DNAH14: variants seen among roughly 807,000 people sequenced by gnomAD.
DNAH14 encodes the protein dynein axonemal heavy chain 14, also known as axonemal beta dynein heavy chain 14.
DNAH14 carries 478 observed loss-of-function variants against 520.9 expected under a neutral mutation model. The observed-to-expected ratio is 0.92, with a 90% CI of 0.85 to 0.99. The LOEUF is 0.99. Ranked by LOEUF, DNAH14 falls within the 50% of genes least tolerant of loss-of-function variation. DNAH14 has a pLI of 0.00. For missense variants in DNAH14, 4,831 were observed against 5,234.5 expected, an observed-to-expected ratio of 0.92 and a Z score of 2.38; for synonymous variants, 1,581 against 1,757.2, an observed-to-expected ratio of 0.90 and a Z score of 2.51.
intron 42 of DNAH14, among the ~76,000 whole-genome samples, chr1:225,238,327 G>A (rs939163220): frequency 1.3e-5 from 2 of 152,202 alleles, no homozygotes; most frequent in Admixed American, 6.5e-5. Flanking sequence ...TATTCTTGTC[G>A]TTTTCTGTCT....
chr1:225,174,840 A>G (rs2083139408), intron 36 of DNAH14, among the ~76,000 whole-genome samples: 2 of 152,136 alleles, frequency 1.3e-5, no homozygotes, highest in Non-Finnish European at 2.9e-5. Context: ...GTGTTGATGT[A>G]TGTCCCTTCT....
intron 36 of DNAH14, among the ~76,000 whole-genome samples, chr1:225,174,905 A>G (rs2083146142): frequency 6.6e-6 from 1 of 152,104 alleles, no homozygotes; most frequent in African/African-American, 2.4e-5. Context: ...ATTTTTGTAA[A>G]TGCTTTTTCA....
At chr1:225,079,142 G>C (rs890028085) in intron 17 of DNAH14, 65 bp from the exon 18 acceptor site, 3 of 1,355,220 alleles carry the variant, frequency 2.2e-6, no homozygotes, top group Non-Finnish European at 3.0e-6. Context: ...AAATTAAAAA[G>C]AGTAATTAGT....
chr1:225,340,562 A>G lies in DNAH14; in HGVS notation c.10539A>G (p.Gln3513=), dbSNP rs1256585341. 2 of 1,551,366 alleles carry G rather than the reference A, an allele frequency of 1.3e-6. No homozygotes were observed. Among genetic ancestry groups the G allele is most frequent in the Non-Finnish European group, 1.7e-6 (2 of 1,146,862 alleles). The change falls in exon 69 of 86, where the codon CAA becomes CAG. Residue 3513 remains glutamine, a synonymous_variant. Transcript: ENST00000682510. The part of the protein sequence containing the change: ...FTVTFQGLQD[Q]LLSTVVTHEV... ...TAACATTCCAAGGTTTGCAAGATCA[A>G]CTCTTGTCTACTGTGGTAACTCATG...
At chr1:224,996,016 T>C (rs1482568379) in intron 8 of DNAH14, among the ~76,000 whole-genome samples, 1 of 152,142 alleles carries the variant, frequency 6.6e-6, no homozygotes, top group Non-Finnish European at 1.5e-5. Flanking sequence ...ATTATTTGTC[T>C]GCTATTTAAT....
intron 68 of DNAH14, 149 bp downstream of exon 68, chr1:225,338,331 G>A (rs1283053943): frequency 9.8e-7 from 1 of 1,017,918 alleles, no homozygotes; most frequent in African/African-American, 1.6e-5. Flanking sequence ...TGTGTTGGCA[G>A]TAGTATTCAT....
At position 224,967,504 on chromosome 1, in the gene DNAH14, A is replaced by G. The variant is rs751410566; in HGVS notation, c.572A>G (p.Tyr191Cys). Residue 191 changes from tyrosine (Y) to cysteine (C), a missense_variant, in exon 6 of 86, where the codon TAT becomes TGT. By Grantham distance (194) the Tyr-to-Cys change is radical. Coordinates refer to ENST00000682510, the MANE Select transcript of DNAH14 (RefSeq NM_001367479.1). ...RKSPKSLYNP[Y>C]DLQVVSAHTA... Reference sequence around the variant, plus strand: ...AGTCCTAAATCCCTTTACAATCCATATGATCTTCAGGTAGTATCGGCTCAT... The same window carrying G: ...AGTCCTAAATCCCTTTACAATCCATGTGATCTTCAGGTAGTATCGGCTCAT... 2 of 1,603,500 alleles carry G rather than the reference A, an allele frequency of 1.2e-6. No homozygotes were observed. Among genetic ancestry groups the G allele is most frequent in the Non-Finnish European group, 1.7e-6 (2 of 1,175,770 alleles).
At chr1:225,320,707 T>C (rs1427843608) in intron 61 of DNAH14, among the ~76,000 whole-genome samples, 1 of 152,076 alleles carries the variant, frequency 6.6e-6, no homozygotes, top group African/African-American at 2.4e-5. Flanking sequence ...CATGAACCAC[T>C]AGAAGCAGAA....
intron 17 of DNAH14, among the ~76,000 whole-genome samples, chr1:225,053,805 C>T (rs947523659): frequency 2.0e-5 from 3 of 152,068 alleles, no homozygotes; most frequent in Non-Finnish European, 4.4e-5. Context: ...TATTCAAGTA[C>T]GGATAACCAG....
At chr1:225,042,123 C>T (rs774609020) in intron 12 of DNAH14, among the ~76,000 whole-genome samples, 7 of 152,128 alleles carry the variant, frequency 4.6e-5, no homozygotes, top group South Asian at 2.1e-4. Context: ...TTATTTATAA[C>T]GTTAACTGCC....
intron 15 of DNAH14, 151 bp from the exon 16 acceptor site, chr1:225,050,059 T>C (rs2068391640): frequency 1.5e-6 from 1 of 670,370 alleles, no homozygotes; most frequent in Non-Finnish European, 2.3e-6. Context: ...CTTACACCTA[T>C]TTTTAAATTC....
intron 38 of DNAH14, among the ~76,000 whole-genome samples, chr1:225,196,470 A>G (rs537903054): frequency 1.1e-4 from 17 of 152,300 alleles, no homozygotes; most frequent in African/African-American, 4.1e-4. Context: ...TTGGGCTGCC[A>G]TGAACATGTG....
At chr1:224,976,278 C>T (rs1270855398) in intron 8 of DNAH14, among the ~76,000 whole-genome samples, 10 of 151,356 alleles carry the variant, frequency 6.6e-5, no homozygotes, top group Non-Finnish European at 7.4e-5. Context: ...TCCTGGGTAT[C>T]CTTGTTAACT....
intron 8 of DNAH14, among the ~76,000 whole-genome samples, chr1:224,975,512 G>C (rs1363768890): frequency 1.3e-5 from 2 of 151,856 alleles, no homozygotes; most frequent in African/African-American, 4.8e-5. Flanking sequence ...GTTTATTTGC[G>C]TAGAGGTGTT....
rs542643993 is a variant in DNAH14 at position 225,300,275 on chromosome 1, C to T, written c.8470-594C>T. 2.6e-5 allele frequency among the ~76,000 whole-genome samples: 4 copies of T among 152,330 alleles called. No individual in the cohort carries two copies. In the South Asian group the frequency reaches 8.3e-4, roughly 32 times the overall value. The stretch of plus-strand genomic sequence containing the variant: ...CCTGCCCAATTCATTATTGTACCCA[C>T]TCCTCCATACCTCTTTTCTCAGTGC... On this transcript the variant is annotated intron_variant, in intron 55 of 85. Coordinates refer to ENST00000682510, the MANE Select transcript of DNAH14 (RefSeq NM_001367479.1).
intron 38 of DNAH14, among the ~76,000 whole-genome samples, chr1:225,195,371 G>A (rs922164080): frequency 7.2e-5 from 11 of 151,894 alleles, no homozygotes; most frequent in East Asian, 1.9e-4. Flanking sequence ...GGATGGAGCC[G>A]GAGGCCATTA....
intron 37 of DNAH14, 90 bp from the exon 38 acceptor site, chr1:225,192,606 T>G: frequency 1.1e-6 from 1 of 881,684 alleles, no homozygotes; most frequent in Non-Finnish European, 1.7e-6. Flanking sequence ...GAAAGGTTTC[T>G]CCTATAACCT....
chr1:225,378,677 T>A (rs953209985), intron 79 of DNAH14, among the ~76,000 whole-genome samples: 4 of 151,698 alleles, frequency 2.6e-5, no homozygotes, highest in Non-Finnish European at 5.9e-5. Context: ...GGTCAGGAGT[T>A]CAAGATCAGC....
intron 79 of DNAH14, among the ~76,000 whole-genome samples, chr1:225,378,781 T>G (rs1458208774): frequency 2.7e-5 from 4 of 149,924 alleles, no homozygotes; most frequent in South Asian, 4.2e-4. Flanking sequence ...CTCGGGAGGC[T>G]GAGGCAGAGA....
Sources: gnomAD v4.1 joint callset for allele counts (sites outside exome capture counted in the v4.1 genomes callset) on GRCh38, gnomAD v4.1.1 for gene constraint, MANE v1.5 for transcripts, NCBI Gene and HGNC (gene_info 2026-07-23, HGNC 2026-07-21) for gene names.